The following LRP1B variants were observed in gnomAD, a reference collection of about 807,000 sequenced individuals.
LRP1B encodes low-density lipoprotein receptor-related protein 1B.
In LRP1B, 217 loss-of-function variants were observed where a neutral mutation model predicts 556.6. The ratio of observed to expected loss-of-function variants is 0.39; its 90% CI spans 0.35 to 0.44. The LOEUF (loss-of-function observed/expected upper bound fraction) is 0.44, where lower values mean the gene tolerates loss of function less well. LRP1B is among the 20% of genes least tolerant of loss of function. LRP1B has a pLI of 1.00. For missense variants in LRP1B, 5,053 were observed against 5,620.8 expected (o/e 0.90, Z 3.23); for synonymous variants, 2,047 against 1,865.8 (o/e 1.10, Z -2.50).
intron 37 of LRP1B, among the ~76,000 whole-genome samples, chr2:140,706,661 T>C (rs726340): frequency 0.48 from 73,103 of 151,854 alleles, 18,819 homozygotes; most frequent in Middle Eastern, 0.59. Context: ...CAACTGATTA[T>C]TGACATTTGG....
intron 18 of LRP1B, among the ~76,000 whole-genome samples, chr2:140,969,966 C>T: frequency 6.6e-6 from 1 of 152,174 alleles, no homozygotes; most frequent in East Asian, 1.9e-4. Context: ...TTTTTTCCTT[C>T]ATTTCAACTT....
intron 43 of LRP1B, among the ~76,000 whole-genome samples, chr2:140,588,981 AAG>A (rs1371293257): frequency 7.9e-5 from 12 of 152,058 alleles, no homozygotes; most frequent in African/African-American, 2.7e-4. Context: ...AAAAAAAAAA[AAG>A]ATGGACATCC....
intron 3 of LRP1B, among the ~76,000 whole-genome samples, chr2:141,266,328 A>C (rs79254780): frequency 6.7e-6 from 1 of 149,582 alleles, no homozygotes; most frequent in South Asian, 2.1e-4. Context: ...TGTTTCAAAA[A>C]AAAAAAAAAA....
chr2:140,723,836 G>A (rs1205935210), intron 35 of LRP1B, among the ~76,000 whole-genome samples: 1 of 152,162 alleles, frequency 6.6e-6, no homozygotes, highest in Admixed American at 6.5e-5. Context: ...AATATTAGAA[G>A]TTAGCACCAC....
At chr2:141,073,405 T>A (rs1239478331) in intron 7 of LRP1B, among the ~76,000 whole-genome samples, 1 of 152,090 alleles carries the variant, frequency 6.6e-6, no homozygotes, top group Non-Finnish European at 1.5e-5. Context: ...CTGGCTTGTT[T>A]TTCCTCAGTT....
intron 1 of LRP1B, among the ~76,000 whole-genome samples, chr2:142,066,350 C>A (rs1206188266): frequency 6.6e-6 from 1 of 151,392 alleles, no homozygotes; most frequent in Non-Finnish European, 1.5e-5. Flanking sequence ...ACATAGGAAA[C>A]CAGGCCACAC....
At chr2:140,762,511 A>G (rs1284951288) in intron 35 of LRP1B, among the ~76,000 whole-genome samples, 1 of 152,172 alleles carries the variant, frequency 6.6e-6, no homozygotes, top group Admixed American at 6.5e-5. Context: ...CCAACCCCTC[A>G]GTTTTCTAAT....
At chr2:141,747,191 A>C (rs1297267892) in intron 2 of LRP1B, among the ~76,000 whole-genome samples, 6 of 152,194 alleles carry the variant, frequency 3.9e-5, no homozygotes, top group African/African-American at 1.4e-4. Flanking sequence ...CAATTACCAC[A>C]AGTTGATATG....
intron 3 of LRP1B, among the ~76,000 whole-genome samples, chr2:141,422,915 G>A (rs1439810533): frequency 6.6e-6 from 1 of 152,172 alleles, no homozygotes; most frequent in African/African-American, 2.4e-5. Flanking sequence ...AAGATATGAA[G>A]TAAGAGGGAA....
chr2:140,481,601 T>G (rs996269126), intron 59 of LRP1B, among the ~76,000 whole-genome samples: 1 of 131,266 alleles, frequency 7.6e-6, no homozygotes, highest in African/African-American at 2.7e-5. Flanking sequence ...TTATTATTAT[T>G]ATTATTATTA....
chr2:141,325,962 C>A (rs1559006550), intron 3 of LRP1B, among the ~76,000 whole-genome samples: 1 of 151,844 alleles, frequency 6.6e-6, no homozygotes, highest in Admixed American at 6.6e-5. Flanking sequence ...CTCTGAAAAC[C>A]CAAACTTTTT....
At chr2:141,455,537 A>T (rs1166779651) in intron 3 of LRP1B, among the ~76,000 whole-genome samples, 1 of 151,666 alleles carries the variant, frequency 6.6e-6, no homozygotes, top group African/African-American at 2.4e-5. Context: ...GAGTGAAGCC[A>T]GTAAGAAACT....
chr2:141,490,778 T>C (rs16846251), intron 2 of LRP1B, among the ~76,000 whole-genome samples: 10,102 of 152,066 alleles, frequency 0.066, 430 homozygotes, highest in South Asian at 0.18. Flanking sequence ...AAATCAGTGC[T>C]CTTTTAGGTG....
chr2:141,265,370 A>C (rs963121077), intron 3 of LRP1B, among the ~76,000 whole-genome samples: 15 of 152,118 alleles, frequency 9.9e-5, no homozygotes, highest in African/African-American at 3.6e-4. Context: ...CCTGGACTGC[A>C]GCGCGACCCC....
At chr2:140,901,139 G>A (rs1694093153) in intron 23 of LRP1B, among the ~76,000 whole-genome samples, 1 of 152,040 alleles carries the variant, frequency 6.6e-6, no homozygotes, top group Admixed American at 6.6e-5. Flanking sequence ...AATGTGGAAG[G>A]GGCTCCAGGT....
chr2:141,663,635 C>A (rs1690308778), intron 2 of LRP1B, among the ~76,000 whole-genome samples: 1 of 151,952 alleles, frequency 6.6e-6, no homozygotes, highest in South Asian at 2.1e-4. Flanking sequence ...ACGACAGAAC[C>A]AGGAAGAAGT....
At chr2:140,399,534 GA>G (rs201013254) in intron 66 of LRP1B, among the ~76,000 whole-genome samples, 10 of 151,312 alleles carry the variant, frequency 6.6e-5, no homozygotes, top group African/African-American at 1.5e-4. Flanking sequence ...AAAATGCTTA[GA>G]AAAAAAAATA....
chr2:142,023,601 G>A (rs562925853), intron 1 of LRP1B, among the ~76,000 whole-genome samples: 1 of 152,154 alleles, frequency 6.6e-6, no homozygotes, highest in African/African-American at 2.4e-5. Context: ...AGAGGCCAAT[G>A]GTTGAGAATA....
chr2:141,182,088 G>T (rs1217123228), intron 7 of LRP1B, among the ~76,000 whole-genome samples: 2 of 151,950 alleles, frequency 1.3e-5, no homozygotes, highest in African/African-American at 4.8e-5. Context: ...TAGTAAATTG[G>T]TCTAAGATAG....
Sources: gnomAD v4.1 joint callset for allele counts (sites outside exome capture counted in the v4.1 genomes callset) on GRCh38, gnomAD v4.1.1 for gene constraint, MANE v1.5 for transcripts, NCBI Gene and HGNC (gene_info 2026-07-23, HGNC 2026-07-21) for gene names.